PSMD5: variants seen among roughly 807,000 people sequenced by gnomAD.
PSMD5 encodes 26S proteasome non-ATPase regulatory subunit 5.
In PSMD5, 40 loss-of-function variants were observed where a neutral mutation model predicts 52.1. The ratio of observed to expected loss-of-function variants is 0.77; its 90% CI spans 0.60 to 1.00. The LOEUF is 1.00. Ranked by LOEUF, PSMD5 falls within the 50% of genes least tolerant of loss-of-function variation. The pLI, the probability that PSMD5 is intolerant of heterozygous loss-of-function variation, is 0.00. For synonymous variants in PSMD5, 211 were observed against 226.6 expected, an observed-to-expected ratio of 0.93 and a Z score of 0.62; for missense variants, 575 against 605.2, an observed-to-expected ratio of 0.95 and a Z score of 0.52.
chr9:120,831,656 G>A, intron 3 of PSMD5, 176 bp downstream of exon 3: 3 of 1,114,984 alleles, frequency 2.7e-6, no homozygotes, highest in Non-Finnish European at 3.7e-6. Context: ...AAATGAAAGG[G>A]GTTTACTAGT....
rs1588065361 is a variant in PSMD5 at position 120,819,205 on chromosome 9, C to T, written c.1258-1042G>A. On this transcript the variant is annotated intron_variant, in intron 9 of 9. Coordinates refer to ENST00000210313, the MANE Select transcript of PSMD5 (RefSeq NM_005047.4). ...TTTTTTCCTCTCAAAATGTGTTCCA[C>T]AGACAAGTAGCATCAGCAACACCTG... 2.6e-5 allele frequency among the ~76,000 whole-genome samples: 4 copies of T among 152,314 alleles called. 1 individual carries two copies. The highest frequency in any genetic ancestry group is 9.6e-5 in the African/African-American group (4 of 41,572).
intron 2 of PSMD5, among the ~76,000 whole-genome samples, chr9:120,832,529 T>A (rs2131430960): frequency 6.6e-6 from 1 of 152,118 alleles, no homozygotes; most frequent in Admixed American, 6.6e-5. Context: ...CCTGAGTAGC[T>A]GGGATTACAG....
chr9:120,824,388 C>T (rs1408855083), intron 7 of PSMD5, 106 bp downstream of exon 7: 1 of 1,056,448 alleles, frequency 9.5e-7, no homozygotes, highest in Admixed American at 1.8e-5. Context: ...GACTGCCACC[C>T]ATAAAATAGT....
At chr9:120,840,495 G>C (rs1335506650) in intron 1 of PSMD5, among the ~76,000 whole-genome samples, 1 of 151,726 alleles carries the variant, frequency 6.6e-6, no homozygotes, top group East Asian at 1.9e-4. Context: ...TGCCAGGCTG[G>C]AGTGCAGTGG....
chr9:120,824,131 AAG>A (rs2045105422), intron 7 of PSMD5: 11 of 180,086 alleles, frequency 6.1e-5, no homozygotes, highest in South Asian at 3.4e-4. Flanking sequence ...AAAAAAAAAA[AAG>A]AATAGAAAAC....
intron 9 of PSMD5, among the ~76,000 whole-genome samples, chr9:120,819,096 C>T (rs1005722334): frequency 3.9e-5 from 6 of 152,196 alleles, no homozygotes; most frequent in Non-Finnish European, 7.3e-5. Context: ...AATTCTACTT[C>T]TAAGTCTTTT....
At chr9:120,823,889 A>G (rs1377282585) in intron 7 of PSMD5, among the ~76,000 whole-genome samples, 2 of 152,080 alleles carry the variant, frequency 1.3e-5, no homozygotes, top group Non-Finnish European at 2.9e-5. Context: ...ATAAATATTC[A>G]CAACAACCCT....
rs41297195 is a variant in PSMD5 at position 120,816,990 on chromosome 9, G to A, written c.*916C>T. On this transcript the variant is annotated 3_prime_UTR_variant, in exon 10 of 10. Transcript: ENST00000210313. ...CTTCTGATCCCCCAAAACCACAACAGGGCAAAGTTCATTGGTAAACAGCAA... is the reference window on the plus strand; with the variant it reads ...CTTCTGATCCCCCAAAACCACAACAAGGCAAAGTTCATTGGTAAACAGCAA... 2.6e-5 allele frequency: 4 copies of A among 151,888 alleles called. No individual in the cohort carries two copies. The highest frequency in any genetic ancestry group is 4.8e-5 in the African/African-American group (2 of 41,324). The allele number at this position is 151,888 out of a possible 1,614,324, so 9.4% of individuals were successfully genotyped here. A position where few individuals can be genotyped will look rare whatever the true frequency, so the allele number is the denominator to read the frequency against.
rs781698458 is a variant in PSMD5, at chr9:120,817,995, G to T, written c.1426C>A (p.Pro476Thr). 35 of 1,613,998 alleles carry T rather than the reference G, an allele frequency of 2.2e-5. No individual in the cohort carries two copies. In the East Asian group the frequency reaches 4.9e-4, roughly 23 times the overall value. Residue 476 changes from proline (P) to threonine (T), a missense_variant, in exon 10 of 10, where the codon CCA (proline) becomes ACA (threonine). Coordinates refer to ENST00000210313, the MANE Select transcript of PSMD5 (RefSeq NM_005047.4). ...TAAGTTCTGAGCCTCAAATAATTTG[G>T]GTTCCCAAAGATTTCTGCAATTGTC... Reference protein sequence around the residue: ...SKTIAEIFGNPNYLRLRTYLS... With the variant: ...SKTIAEIFGNTNYLRLRTYLS...
At chr9:120,826,515 T>G in intron 6 of PSMD5, 3 of 386,018 alleles carry the variant, frequency 7.8e-6, no homozygotes, top group Non-Finnish European at 1.4e-5. Flanking sequence ...ATTTATTGAT[T>G]TGTATATGCT....
chr9:120,839,588 C>A (rs962302438), intron 1 of PSMD5, among the ~76,000 whole-genome samples: 1 of 152,122 alleles, frequency 6.6e-6, no homozygotes, highest in African/African-American at 2.4e-5. Context: ...AGGAAGGAAT[C>A]TTAGAAGGTC....
chr9:120,831,468 G>T lies in PSMD5; in HGVS notation c.433-9C>A. The T allele has an allele frequency of 6.3e-7, 1 of 1,591,236 alleles. No homozygotes were observed. The highest frequency in any genetic ancestry group is 1.1e-5 in the South Asian group (1 of 87,352). On this transcript the variant is annotated splice_polypyrimidine_tract_variant and intron_variant, in intron 3 of 9. Transcript: ENST00000210313. ...GACAGGGATTTGATAGCCTTATAAC[G>T]AAAGAAAATATCTCTTACATTCCCA... is the stretch of plus-strand genomic sequence containing the variant.
At chr9:120,838,040 C>T (rs2045209782) in intron 1 of PSMD5, among the ~76,000 whole-genome samples, 1 of 152,148 alleles carries the variant, frequency 6.6e-6, no homozygotes, top group African/African-American at 2.4e-5. Flanking sequence ...TTGTATGATC[C>T]CTTCCCCCCA....
intron 9 of PSMD5, 135 bp downstream of exon 9, chr9:120,820,704 C>G: frequency 1.2e-6 from 1 of 823,612 alleles, no homozygotes; most frequent in Non-Finnish European, 1.8e-6. Context: ...TACTTAGTCT[C>G]TAAGGTAGCA....
Position 120,831,867 on chromosome 9 carries a change from A to T in PSMD5, c.397T>A (p.Cys133Ser), listed in dbSNP as rs770760485. ...ACAGATAGATTCTCTCCACCAATGC[A>T]ATAAACAATTTGTTTTAGTAATTCA... ...NAELLKQIVY[C>S]IGGENLSVAK... The change falls in exon 3 of 10, where the codon TGC (cysteine) becomes AGC (serine). Residue 133 changes from cysteine (C) to serine (S), a missense_variant. Physicochemically the swap from Cys to Ser is moderately radical, Grantham distance 112. Transcript: ENST00000210313. 1.2e-5 allele frequency: 19 copies of T among 1,613,416 alleles called. No individual in the cohort carries two copies. Among genetic ancestry groups the T allele is most frequent in the Non-Finnish European group, 1.5e-5 (18 of 1,179,920 alleles).
intron 1 of PSMD5, 159 bp downstream of exon 1, chr9:120,842,578 C>T: frequency 2.2e-6 from 2 of 889,126 alleles, no homozygotes; most frequent in Admixed American, 5.4e-5. Flanking sequence ...TGAACCCCAT[C>T]TCCTGCCTCT....
intron 1 of PSMD5, among the ~76,000 whole-genome samples, chr9:120,841,543 C>T (rs1482692586): frequency 2.0e-5 from 3 of 152,150 alleles, no homozygotes; most frequent in Admixed American, 2.0e-4. Flanking sequence ...CGCGCCACTG[C>T]ACTCCAACCT....
At chr9:120,838,517 G>A (rs1278072998) in intron 1 of PSMD5, among the ~76,000 whole-genome samples, 1 of 152,200 alleles carries the variant, frequency 6.6e-6, no homozygotes, top group Non-Finnish European at 1.5e-5. Flanking sequence ...AACTTATGTG[G>A]TTTAGCCAGG....
chr9:120,825,690 G>C (rs997022357), intron 6 of PSMD5, among the ~76,000 whole-genome samples: 1 of 151,946 alleles, frequency 6.6e-6, no homozygotes, highest in African/African-American at 2.4e-5. Flanking sequence ...TTGTAAATGG[G>C]AATGTATCTT....
Sources: gnomAD v4.1 joint callset for allele counts (sites outside exome capture counted in the v4.1 genomes callset) on GRCh38, gnomAD v4.1.1 for gene constraint, MANE v1.5 for transcripts, NCBI Gene and HGNC (gene_info 2026-07-23, HGNC 2026-07-21) for gene names.